The following KMT2C variants were observed in gnomAD, a reference collection of about 807,000 sequenced individuals.
KMT2C encodes histone-lysine N-methyltransferase 2C.
In KMT2C, 88 loss-of-function variants were observed where a neutral mutation model predicts 507.9. The observed-to-expected ratio is 0.17, with a 90% CI of 0.15 to 0.21. The LOEUF is 0.21. Among genes scored for constraint, KMT2C ranks in the 10% least tolerant of loss-of-function variants. The pLI, the probability that KMT2C is intolerant of heterozygous loss-of-function variation, is 1.00. For missense variants in KMT2C, 4,954 were observed against 5,957.8 expected (o/e 0.83, Z 5.55); for synonymous variants, 2,049 against 2,080.8 (o/e 0.98, Z 0.42).
intron 1 of KMT2C, among the ~76,000 whole-genome samples, chr7:152,419,207 C>T (rs1031366303): frequency 1.3e-5 from 2 of 151,914 alleles, no homozygotes; most frequent in African/African-American, 4.8e-5. Flanking sequence ...AAAAATTAGC[C>T]GGGCATGGTG....
chr7:152,390,281 T>G (rs2097481545), intron 1 of KMT2C, among the ~76,000 whole-genome samples: 1 of 152,304 alleles, frequency 6.6e-6, no homozygotes, highest in African/African-American at 2.4e-5. Flanking sequence ...CTAGACATCA[T>G]TCTACCATAA....
Position 152,180,657 on chromosome 7 carries a change from T to C in KMT2C, c.7149+54A>G, listed in dbSNP as rs984284942. 4.5e-6 allele frequency: 6 copies of C among 1,329,548 alleles called. No homozygotes were observed. The African/African-American group carries it at 5.9e-5, about 13-fold the overall frequency. The allele number at this position is 1,329,548 out of a possible 1,614,324, so 82.4% of individuals were successfully genotyped here. On this transcript the variant is annotated intron_variant, in intron 36 of 58. Transcript: ENST00000262189. Reference sequence around the variant, plus strand: ...GTAGAAATTACTCAGTTTGATGAAATGAACAGCTTCCTCAAATAATACATT... The same window carrying C: ...GTAGAAATTACTCAGTTTGATGAAACGAACAGCTTCCTCAAATAATACATT...
rs753651472 is a variant in KMT2C at position 152,138,933 on chromosome 7, T to C, written c.14535-29A>G. ...CAAGCCACCATGTCAGAAAACTGTA[T>C]TGTAAAACAGCTAGAAGCAGCTTTA... On this transcript the variant is annotated intron_variant, in intron 57 of 58. Coordinates refer to ENST00000262189, the MANE Select transcript of KMT2C (RefSeq NM_170606.3). This position sits in a 1 kb window ranked among gnomAD's most constrained non-coding sequence, Gnocchi z 4.2. 2.6e-6 allele frequency: 4 copies of C among 1,523,220 alleles called. No individual in the cohort carries two copies. Among genetic ancestry groups the C allele is most frequent in the Admixed American group, 1.7e-5 (1 of 59,894 alleles). 94.4% of individuals were successfully genotyped at this position (1,523,220 alleles called of 1,614,324 possible).
chr7:152,141,995 C>A (rs1044350977), intron 55 of KMT2C, among the ~76,000 whole-genome samples: 1 of 152,180 alleles, frequency 6.6e-6, no homozygotes, highest in African/African-American at 2.4e-5. Context: ...GCACTCCAGC[C>A]TGGGCGACAC....
At chr7:152,237,744 GC>G (rs1376049806) in intron 15 of KMT2C, among the ~76,000 whole-genome samples, 4 of 151,964 alleles carry the variant, frequency 2.6e-5, no homozygotes, top group South Asian at 2.1e-4. Context: ...CAAGTGATCT[GC>G]CCCCTCAGCC....
At position 152,194,119 on chromosome 7, in the gene KMT2C, C is replaced by T. The variant is rs2129128868; in HGVS notation, c.4550G>A (p.Gly1517Glu). 1 of 1,575,070 alleles carries T rather than the reference C, an allele frequency of 6.3e-7. No individual in the cohort carries two copies. The highest frequency in any genetic ancestry group is 2.0e-5 in the Admixed American group (1 of 50,000). ...GKLYKIPELGGKDVEDLFTAV... is the reference protein window; with the variant it reads ...GKLYKIPELGEKDVEDLFTAV... ...TGTAAATAAGTCTTCAACATCTTTT[C>T]CGCCAAGCTCTAGGAGATAAAACAA... Residue 1517 changes from glycine (G) to glutamate (E), a missense_variant, in exon 31 of 59, where the codon GGA becomes GAA. Coordinates refer to ENST00000262189, the MANE Select transcript of KMT2C (RefSeq NM_170606.3).
At chr7:152,413,938 G>A (rs71256402) in intron 1 of KMT2C, among the ~76,000 whole-genome samples, 4 of 150,470 alleles carry the variant, frequency 2.7e-5, no homozygotes, top group Non-Finnish European at 5.9e-5. Context: ...GAGGCCAGAC[G>A]CGATGGCTCA....
In KMT2C at chr7:152,252,530, A is replaced by ATAAC. The variant is rs764960034; in HGVS notation, c.1469+12_1469+15dup. The ATAAC allele has an allele frequency of 1.9e-6, 3 of 1,601,434 alleles. No individual in the cohort carries two copies. Among genetic ancestry groups the ATAAC allele is most frequent in the Non-Finnish European group, 2.6e-6 (3 of 1,170,050 alleles). Reference sequence around the variant, plus strand: ...ACAATCGACAAAACAACTGAATAGAATAACTATCTTCTTACCTTTTGCACA... The same window carrying ATAAC: ...ACAATCGACAAAACAACTGAATAGAATAACTAACTATCTTCTTACCTTTTGCACA... On this transcript the variant is annotated intron_variant, in intron 10 of 58. Transcript: ENST00000262189.
intron 6 of KMT2C, among the ~76,000 whole-genome samples, chr7:152,296,220 G>A (rs1209955540): frequency 6.6e-6 from 1 of 151,846 alleles, no homozygotes; most frequent in African/African-American, 2.4e-5. Flanking sequence ...CCTGAGGTCA[G>A]GAGTTCAAGA....
rs1384359152 is a variant in KMT2C, at chr7:152,435,769, G to C, written c.18C>G (p.Asp6Glu). The C allele has an allele frequency of 1.4e-6, 2 of 1,455,680 alleles. No individual in the cohort carries two copies. The highest frequency in any genetic ancestry group is 1.8e-6 in the Non-Finnish European group (2 of 1,097,534). The allele number at this position is 1,455,680 out of a possible 1,614,324, so 90.2% of individuals were successfully genotyped here. Residue 6 changes from aspartate (D) to glutamate (E), a missense_variant, in exon 1 of 59, where the codon GAC (aspartate) becomes GAG (glutamate). Coordinates refer to ENST00000262189, the MANE Select transcript of KMT2C (RefSeq NM_170606.3). Reference protein sequence around the residue: MSSEEDKSVEQPQPPP... With the variant: MSSEEEKSVEQPQPPP... ...GCGGCTGCGGCTGCTCCACGCTCTT[G>C]TCCTCCTCCGACGACATCCTAGTCA...
chr7:152,177,235 T>C lies in KMT2C; in HGVS notation c.8218A>G (p.Thr2740Ala), dbSNP rs1469670732. Residue 2740 changes from threonine (T) to alanine (A), a missense_variant, in exon 38 of 59, where the codon ACT becomes GCT. Thr to Ala is a moderately conservative substitution (Grantham distance 58). Transcript: ENST00000262189. Reference protein sequence around the residue: ...VELDTLDNLETNDPNLDDLLR... With the variant: ...VELDTLDNLEANDPNLDDLLR... ...AGGTCATCCAGGTTGGGATCATTAG[T>C]TTCCAAATTATCTAAAGTATCCAAT... 1.2e-5 allele frequency: 20 copies of C among 1,613,740 alleles called. No homozygotes were observed. The highest frequency in any genetic ancestry group is 1.7e-5 in the Non-Finnish European group (20 of 1,179,926).
rs777278245 is a variant in KMT2C, at chr7:152,222,621, T to A, written c.3385A>T (p.Ile1129Phe). The change falls in exon 21 of 59, where the codon ATT (isoleucine) becomes TTT (phenylalanine). Residue 1129 changes from isoleucine (I) to phenylalanine (F), a missense_variant. By Grantham distance (21) the Ile-to-Phe change is conservative. Transcript: ENST00000262189. ...CTGCACATGCTACAATCAAAACCAA[T>A]GTCTGCTACATTTTCCACTTCTTCC... ...TEEEVENVAD[I>F]GFDCSMCRPY... is the part of the protein sequence containing the mutation. 1 of 1,610,524 alleles carries A rather than the reference T, an allele frequency of 6.2e-7. No individual in the cohort carries two copies. The highest frequency in any genetic ancestry group is 1.1e-5 in the South Asian group (1 of 90,954).
At chr7:152,413,668 TG>T (rs2097703950) in intron 1 of KMT2C, among the ~76,000 whole-genome samples, 1 of 151,124 alleles carries the variant, frequency 6.6e-6, no homozygotes, top group Non-Finnish European at 1.5e-5. Context: ...GTGGATCACC[TG>T]AGGTCAGGAG....
chr7:152,274,625 CA>C (rs945513517), intron 6 of KMT2C, among the ~76,000 whole-genome samples: 1 of 152,192 alleles, frequency 6.6e-6, no homozygotes, highest in African/African-American at 2.4e-5. Context: ...GAATGATTCA[CA>C]AACTCTTCCT....
intron 1 of KMT2C, among the ~76,000 whole-genome samples, chr7:152,417,948 T>C (rs2097755916): frequency 1.6e-5 from 2 of 127,684 alleles, no homozygotes; most frequent in Non-Finnish European, 3.1e-5. Flanking sequence ...ACCCTCTTTC[T>C]TTTAAAAAAA....
intron 6 of KMT2C, among the ~76,000 whole-genome samples, chr7:152,274,902 G>A (rs577601396): frequency 6.6e-6 from 1 of 151,600 alleles, no homozygotes; most frequent in Non-Finnish European, 1.5e-5. Context: ...CTAATAGAAA[G>A]GTGTTCCTAT....
chr7:152,251,627 T>C (rs1161167396), intron 11 of KMT2C, among the ~76,000 whole-genome samples: 1 of 152,050 alleles, frequency 6.6e-6, no homozygotes. Context: ...TAACCCACAT[T>C]ATAAAGAACA....
intron 23 of KMT2C, among the ~76,000 whole-genome samples, chr7:152,209,196 C>T (rs1477011289): frequency 6.6e-6 from 1 of 151,404 alleles, no homozygotes; most frequent in East Asian, 1.9e-4. Context: ...GTGGCTCACG[C>T]CTGTAATCCC....
intron 44 of KMT2C, among the ~76,000 whole-genome samples, chr7:152,157,260 AGAGATTGCAGGGAGCT>A (rs1419213688): frequency 1.3e-5 from 2 of 150,942 alleles, no homozygotes; most frequent in Non-Finnish European, 3.0e-5. Context: ...TTTGGGAGGC[AGAGATTGCAGGGAGCT>A]GAGATTGCAC....
Sources: allele counts gnomAD v4.1 joint callset (sites outside exome capture counted in the v4.1 genomes callset), GRCh38; gene constraint gnomAD v4.1.1; non-coding constraint Gnocchi (gnomAD v3.1); transcripts MANE v1.5; gene names NCBI Gene and HGNC (gene_info 2026-07-23, HGNC 2026-07-21).